OXR1: variants seen among roughly 807,000 people sequenced by gnomAD.
OXR1 encodes the protein oxidation resistance protein 1.
Under a neutral mutation model 104.6 loss-of-function variants are expected in OXR1, and 41 were observed. The observed-to-expected ratio is 0.39, with a 90% CI of 0.31 to 0.51. The LOEUF is 0.51. OXR1 is among the 20% of genes least tolerant of loss of function. The pLI, the probability that OXR1 is intolerant of heterozygous loss-of-function variation, is 0.77. For missense variants in OXR1, 955 were observed against 1,031.9 expected (o/e 0.93, Z 1.02); for synonymous variants, 348 against 348.4 (o/e 1.00, Z 0.01).
chr8:106,637,143 T>C (rs1823206389), intron 3 of OXR1, among the ~76,000 whole-genome samples: 1 of 152,226 alleles, frequency 6.6e-6, no homozygotes, highest in Non-Finnish European at 1.5e-5. Context: ...ATTATCATCC[T>C]TGGCTAGAGA....
intron 2 of OXR1, among the ~76,000 whole-genome samples, chr8:106,372,045 TG>T (rs1269899340): frequency 2.6e-5 from 4 of 152,234 alleles, no homozygotes; most frequent in African/African-American, 9.6e-5. Flanking sequence ...ACAACTGTGC[TG>T]GTTGCCCCTC....
chr8:106,310,835 G>T (rs1338277861), intron 1 of OXR1, among the ~76,000 whole-genome samples: 2 of 152,010 alleles, frequency 1.3e-5, no homozygotes, highest in Non-Finnish European at 2.9e-5. Flanking sequence ...TTCTTTGATT[G>T]AAGCTTTTAG....
At chr8:106,324,884 A>G (rs1255396988) in intron 1 of OXR1, among the ~76,000 whole-genome samples, 1 of 152,346 alleles carries the variant, frequency 6.6e-6, no homozygotes, top group East Asian at 1.9e-4. Flanking sequence ...AAATGGTTCC[A>G]TAAGACAATG....
intron 3 of OXR1, among the ~76,000 whole-genome samples, chr8:106,525,497 T>A (rs962064616): frequency 6.6e-6 from 1 of 152,236 alleles, no homozygotes; most frequent in Non-Finnish European, 1.5e-5. Context: ...AGAGAAGGAT[T>A]GGAATACCTG....
At position 106,339,509 on chromosome 8, in the gene OXR1, AAAAAAAAAAAATATAT is replaced by A. The variant is rs1425322733; in HGVS notation, c.-138-19965_-138-19950del. 2.2e-3 allele frequency among the ~76,000 whole-genome samples: 113 copies of A among 50,790 alleles called. 4 individuals carry two copies. The highest frequency in any genetic ancestry group is 2.9e-3 in the Non-Finnish European group (92 of 31,784). The allele number at this position is 50,790 out of a possible 152,430, so 33.3% of individuals were successfully genotyped here. On this transcript the variant is annotated intron_variant, in intron 1 of 16. Transcript: ENST00000517566. ...ACTCCATCCAAAAAAAAAAAAAAAA[AAAAAAAAAAAATATAT>A]ATATATATATATATATATATATATA...
At chr8:106,563,367 C>A (rs1434143099) in intron 3 of OXR1, among the ~76,000 whole-genome samples, 1 of 149,310 alleles carries the variant, frequency 6.7e-6, no homozygotes, top group Non-Finnish European at 1.5e-5. Flanking sequence ...AGAGTTTAAA[C>A]CAACAGAGAT....
chr8:106,741,445 G>T (rs1228236652), intron 14 of OXR1, among the ~76,000 whole-genome samples: 1 of 152,118 alleles, frequency 6.6e-6, no homozygotes, highest in Non-Finnish European at 1.5e-5. Context: ...AATGAATGTT[G>T]CATGGGACTT....
At chr8:106,578,796 G>A (rs964252466) in intron 3 of OXR1, among the ~76,000 whole-genome samples, 4 of 152,206 alleles carry the variant, frequency 2.6e-5, no homozygotes, top group Non-Finnish European at 5.9e-5. Flanking sequence ...TGGCAAAATA[G>A]TCAGCACACC....
chr8:106,729,629 T>C (rs1277854616), intron 11 of OXR1, among the ~76,000 whole-genome samples: 3 of 152,136 alleles, frequency 2.0e-5, no homozygotes, highest in Non-Finnish European at 1.5e-5. Context: ...TGTCTTATGG[T>C]AAGTGAAACA....
At chr8:106,705,295 T>A (rs947918254) in intron 8 of OXR1, among the ~76,000 whole-genome samples, 2 of 152,166 alleles carry the variant, frequency 1.3e-5, no homozygotes, top group Non-Finnish European at 2.9e-5. Context: ...AGATTCTTGT[T>A]TTTTTAAGAT....
intron 1 of OXR1, among the ~76,000 whole-genome samples, chr8:106,338,935 C>T (rs981071459): frequency 4.6e-5 from 7 of 151,994 alleles, no homozygotes; most frequent in South Asian, 2.1e-4. Context: ...AATAGGACTG[C>T]GAATACTCCC....
intron 6 of OXR1, among the ~76,000 whole-genome samples, chr8:106,691,341 A>C (rs1453384898): frequency 6.6e-6 from 1 of 151,972 alleles, no homozygotes. Flanking sequence ...ATCTACATAG[A>C]GATACTAATA....
At chr8:106,697,640 C>G (rs1419157901) in intron 7 of OXR1, 2 of 1,613,834 alleles carry the variant, frequency 1.2e-6, no homozygotes, top group African/African-American at 2.7e-5. Flanking sequence ...GTCCGCTGCA[C>G]ACAGGCCATG....
chr8:106,644,759 A>G (rs1823935285), intron 3 of OXR1, among the ~76,000 whole-genome samples: 1 of 152,206 alleles, frequency 6.6e-6, no homozygotes, highest in African/African-American at 2.4e-5. Context: ...TTCGGAAGTC[A>G]TTGTGTGACT....
chr8:106,312,179 A>T (rs1813733137), intron 1 of OXR1, among the ~76,000 whole-genome samples: 1 of 152,168 alleles, frequency 6.6e-6, no homozygotes, highest in Admixed American at 6.6e-5. Flanking sequence ...TTGAACATAC[A>T]CCTCCTGCTC....
chr8:106,638,540 T>C (rs984769204), intron 3 of OXR1, among the ~76,000 whole-genome samples: 3 of 152,192 alleles, frequency 2.0e-5, no homozygotes, highest in Non-Finnish European at 2.9e-5. Context: ...TTACAAGTTC[T>C]AAGATAACAT....
At chr8:106,606,355 C>T (rs950703440) in intron 3 of OXR1, among the ~76,000 whole-genome samples, 7 of 151,830 alleles carry the variant, frequency 4.6e-5, no homozygotes, top group Non-Finnish European at 1.0e-4. Context: ...GGCTGGAGTG[C>T]AGTGGTGTAA....
chr8:106,388,171 A>G lies in OXR1; in HGVS notation c.23+28535A>G, dbSNP rs560680110. Among the ~76,000 whole-genome samples, 3 of 152,336 alleles carry G rather than the reference A, an allele frequency of 2.0e-5. No homozygotes were observed. In the East Asian group the frequency reaches 5.8e-4, roughly 29 times the overall value. Reference sequence around the variant, plus strand: ...AATACAGTGAGTGCATCAAGAAGTAAAAGCTAGGTGTTTCACTTTAAGAGG... The same window carrying G: ...AATACAGTGAGTGCATCAAGAAGTAGAAGCTAGGTGTTTCACTTTAAGAGG... On this transcript the variant is annotated intron_variant, in intron 2 of 16. Transcript: ENST00000517566.
At chr8:106,328,805 T>C (rs1275762235) in intron 1 of OXR1, among the ~76,000 whole-genome samples, 1 of 152,210 alleles carries the variant, frequency 6.6e-6, no homozygotes, top group Non-Finnish European at 1.5e-5. Flanking sequence ...AAGAGCATAT[T>C]TCTTATTCCA....
Sources: allele counts gnomAD v4.1 joint callset (sites outside exome capture counted in the v4.1 genomes callset), GRCh38; gene constraint gnomAD v4.1.1; transcripts MANE v1.5; gene names NCBI Gene and HGNC (gene_info 2026-07-23, HGNC 2026-07-21).